The following EHBP1 variants were observed in gnomAD, a reference collection of about 807,000 sequenced individuals.
EHBP1 encodes the protein EH domain-binding protein 1.
Under a neutral mutation model 144.0 loss-of-function variants are expected in EHBP1, and 55 were observed. The ratio of observed to expected loss-of-function variants is 0.38; its 90% confidence interval spans 0.31 to 0.48. The LOEUF is 0.48. EHBP1 is among the 20% of genes least tolerant of loss of function. The pLI, the probability that EHBP1 is intolerant of heterozygous loss-of-function variation, is 0.98. For synonymous variants in EHBP1, 469 were observed against 472.7 expected (o/e 0.99, Z 0.10); for missense variants, 1,200 against 1,364.2 (o/e 0.88, Z 1.90).
chr2:63,019,330 G>T (rs2060604991), intron 19 of EHBP1, among the ~76,000 whole-genome samples: 1 of 152,188 alleles, frequency 6.6e-6, no homozygotes, highest in Non-Finnish European at 1.5e-5. Context: ...TAAGAGTATA[G>T]ACTTTAAAAT....
chr2:63,011,598 C>G lies in EHBP1; in HGVS notation c.3103+14832C>G, dbSNP rs532950970. On this transcript the variant is annotated intron_variant, in intron 19 of 22. Transcript: ENST00000431489. ...TAACATTACAGCAATCTTGGTATTA[C>G]AAGTCAAAAATGGTTTCTAATGTAG... 2.0e-4 allele frequency among the ~76,000 whole-genome samples: 31 copies of G among 151,928 alleles called. No individual in the cohort carries two copies. The South Asian group carries it at 5.6e-3, about 27-fold the overall frequency.
intron 2 of EHBP1, among the ~76,000 whole-genome samples, chr2:62,711,153 A>G (rs1374851843): frequency 6.6e-6 from 1 of 152,178 alleles, no homozygotes; most frequent in African/African-American, 2.4e-5. Context: ...TGTAACACAC[A>G]CATACCCTCA....
chr2:62,830,975 CTG>C (rs1558749781), intron 6 of EHBP1, 42 bp from the exon 7 acceptor site: 17 of 1,567,018 alleles, frequency 1.1e-5, no homozygotes, highest in Non-Finnish European at 1.4e-5. Flanking sequence ...ATTTTTCTAA[CTG>C]TCATTTAGTA....
chr2:63,046,100 T>C lies in EHBP1; in HGVS notation c.*600T>C, dbSNP rs2061946421. The C allele has an allele frequency of 6.5e-6, 1 of 152,936 alleles. No homozygotes were observed. The highest frequency in any genetic ancestry group is 1.5e-5 in the Non-Finnish European group (1 of 68,276). 9.5% of individuals were successfully genotyped at this position (152,936 alleles called of 1,614,324 possible). ...GGATAATGGAGTTCCTCTCCTCTGC[T>C]TTCCTCAGAGGATGGTCCTTTAACA... is the stretch of plus-strand genomic sequence containing the variant. On this transcript the variant is annotated 3_prime_UTR_variant, in exon 23 of 23. Transcript: ENST00000431489.
chr2:62,855,066 C>T (rs2048944770), intron 7 of EHBP1, among the ~76,000 whole-genome samples: 1 of 152,212 alleles, frequency 6.6e-6, no homozygotes, highest in Admixed American at 6.5e-5. Flanking sequence ...AGCCGTAACC[C>T]CCCAGCACAG....
intron 20 of EHBP1, 35 bp from the exon 21 acceptor site, chr2:63,038,708 A>C: frequency 6.3e-7 from 1 of 1,579,626 alleles, no homozygotes; most frequent in African/African-American, 1.3e-5. Context: ...TGATTTAGTA[A>C]TTAGCATATT....
intron 10 of EHBP1, among the ~76,000 whole-genome samples, chr2:62,920,798 G>C (rs889097945): frequency 6.6e-6 from 1 of 151,972 alleles, no homozygotes; most frequent in Admixed American, 6.6e-5. Context: ...GAGTAGCTGC[G>C]ATTACAGGCA....
intron 19 of EHBP1, among the ~76,000 whole-genome samples, chr2:63,030,490 T>G (rs769189601): frequency 1.3e-4 from 20 of 152,126 alleles, no homozygotes; most frequent in Non-Finnish European, 2.6e-4. Context: ...CACTTCCATT[T>G]TTTTTCTTTT....
At chr2:62,860,074 G>A (rs924321645) in intron 8 of EHBP1, among the ~76,000 whole-genome samples, 25 of 152,188 alleles carry the variant, frequency 1.6e-4, no homozygotes, top group African/African-American at 5.5e-4. Context: ...TTCTTTCTCT[G>A]TCTCCTCTTC....
At chr2:62,924,317 C>G (rs1221640067) in intron 10 of EHBP1, among the ~76,000 whole-genome samples, 1 of 151,990 alleles carries the variant, frequency 6.6e-6, no homozygotes, top group Non-Finnish European at 1.5e-5. Context: ...CCTAACAATG[C>G]ACTAGAAAAG....
chr2:62,768,238 G>T (rs2041352417), intron 4 of EHBP1, among the ~76,000 whole-genome samples: 1 of 152,072 alleles, frequency 6.6e-6, no homozygotes, highest in Non-Finnish European at 1.5e-5. Flanking sequence ...ACAGAAGTTG[G>T]TTTTTTGAAA....
intron 5 of EHBP1, among the ~76,000 whole-genome samples, chr2:62,774,570 T>C (rs2152382878): frequency 6.6e-6 from 1 of 152,306 alleles, no homozygotes; most frequent in East Asian, 1.9e-4. Context: ...ACTTAAGTAT[T>C]CATTGAGCGT....
At chr2:62,881,844 A>G (rs1250218861) in intron 10 of EHBP1, 1 of 152,084 alleles carries the variant, frequency 6.6e-6, no homozygotes, top group Non-Finnish European at 1.5e-5. Context: ...CTATCTAGTC[A>G]TGGGTGTGCT....
Position 62,899,310 on chromosome 2 carries a change from G to C in EHBP1, c.1185+24778G>C, listed in dbSNP as rs73934301. ...ATCTGCACATAAGGGATATTGTTAAGGCCCATGTGGAGAAAATAAAGCTGG... is the reference window on the plus strand; with the variant it reads ...ATCTGCACATAAGGGATATTGTTAACGCCCATGTGGAGAAAATAAAGCTGG... On this transcript the variant is annotated intron_variant, in intron 10 of 22. Coordinates refer to ENST00000431489, the MANE Select transcript of EHBP1 (RefSeq NM_001142616.3). Among the ~76,000 whole-genome samples the C allele has an allele frequency of 3.5e-3, 531 of 152,282 alleles. 4 individuals carry two copies. Among genetic ancestry groups the C allele is most frequent in the African/African-American group, 0.012 (508 of 41,564 alleles).
intron 1 of EHBP1, among the ~76,000 whole-genome samples, chr2:62,680,252 C>T (rs990064577): frequency 6.6e-6 from 1 of 152,214 alleles, no homozygotes; most frequent in Non-Finnish European, 1.5e-5. Flanking sequence ...TTCCTCCCCT[C>T]TCATTTTCAG....
chr2:62,966,678 A>G (rs2153157355), intron 14 of EHBP1, among the ~76,000 whole-genome samples: 1 of 152,300 alleles, frequency 6.6e-6, no homozygotes, highest in African/African-American at 2.4e-5. Context: ...ATATTCTTTT[A>G]TAAGATACAT....
intron 2 of EHBP1, among the ~76,000 whole-genome samples, chr2:62,710,265 A>T (rs979666060): frequency 6.6e-6 from 1 of 152,104 alleles, no homozygotes; most frequent in Admixed American, 6.6e-5. Context: ...ACTATGTTGC[A>T]AATTAAATTC....
rs746185685 is a variant in EHBP1 at position 62,993,976 on chromosome 2, A to G, written c.2978A>G (p.Asn993Ser). The change falls in exon 18 of 23, where the codon AAT (asparagine) becomes AGT (serine). Residue 993 changes from asparagine to serine, a missense_variant and splice_region_variant. Coordinates refer to ENST00000431489, the MANE Select transcript of EHBP1 (RefSeq NM_001142616.3). ...AAGCCATCAGAAGATGAAGTGCTTA[A>G]TGTATATTAATTTTTTGTGTGGTTT... Reference protein sequence around the residue: ...QRKPSEDEVLNKGFKDTSQYV... With the variant: ...QRKPSEDEVLSKGFKDTSQYV... 1 of 1,558,522 alleles carries G rather than the reference A, an allele frequency of 6.4e-7. No individual in the cohort carries two copies. Among genetic ancestry groups the G allele is most frequent in the South Asian group, 1.2e-5 (1 of 84,150 alleles).
At chr2:62,747,790 TAAG>T (rs1391298244) in intron 3 of EHBP1, among the ~76,000 whole-genome samples, 3 of 151,898 alleles carry the variant, frequency 2.0e-5, no homozygotes, top group Admixed American at 2.0e-4. Context: ...CAACCTAATA[TAAG>T]GAGGTGGGGG....
Sources: gnomAD v4.1 joint callset for allele counts (sites outside exome capture counted in the v4.1 genomes callset) on GRCh38, gnomAD v4.1.1 for gene constraint, MANE v1.5 for transcripts, NCBI Gene and HGNC (gene_info 2026-07-23, HGNC 2026-07-21) for gene names.